Variants in MMD2 observed in about 807,000 individuals in gnomAD.
The protein encoded by MMD2 is monocyte to macrophage differentiation factor 2.
MMD2 carries 30 observed loss-of-function variants against 33.5 expected under a neutral mutation model. The observed-to-expected ratio is 0.90, with a 90% CI of 0.67 to 1.22. The LOEUF (loss-of-function observed/expected upper bound fraction) is 1.22, where lower values mean the gene tolerates loss of function less well. Among genes scored for constraint, MMD2 ranks in the 50% most tolerant of loss-of-function variants. The pLI is 0.00. For synonymous variants in MMD2, 129 were observed against 123.0 expected (o/e 1.05, Z -0.32); for missense variants, 364 against 325.4 (o/e 1.12, Z -0.91).
At chr7:4,900,433 T>C in the MMD2 span, among the ~76,000 whole-genome samples, 1 of 152,060 alleles carries the variant, frequency 6.6e-6, no homozygotes, top group African/African-American at 2.4e-5. Flanking sequence ...TCATGGTGTG[T>C]CTGTAAATTA....
Position 4,911,068 on chromosome 7 carries a change from CG to C in MMD2, c.467+76del, listed in dbSNP as rs1349361830. ...CGATTATGAGATCATCCTGGACTCT[CG>C]GCAGCCCAGGAGTGCTGGGGAGGCC... On this transcript the variant is annotated intron_variant, in intron 5 of 6. Coordinates refer to ENST00000401401, the MANE Select transcript of MMD2 (RefSeq NM_198403.4). The C allele has an allele frequency of 2.2e-5, 27 of 1,237,754 alleles. No homozygotes were observed. The Middle Eastern group carries it at 5.5e-4, about 25-fold the overall frequency. 76.7% of individuals were successfully genotyped at this position (1,237,754 alleles called of 1,614,324 possible).
chr7:4,907,247 G>C lies in MMD2; in HGVS notation c.*149C>G, dbSNP rs965575007. The C allele has an allele frequency of 4.3e-6, 3 of 703,924 alleles. No homozygotes were observed. Among genetic ancestry groups the C allele is most frequent in the East Asian group, 5.2e-5 (2 of 38,372 alleles). 43.6% of individuals were successfully genotyped at this position (703,924 alleles called of 1,614,324 possible). A position where few individuals can be genotyped will look rare whatever the true frequency, so the allele number is the denominator to read the frequency against. ...CTTTCTCGCTGGGGACTCGAGGGAT[G>C]ATCTGGCTGTCACCAGAAGTCACCT... On this transcript the variant is annotated 3_prime_UTR_variant, in exon 7 of 7. Coordinates refer to ENST00000401401, the MANE Select transcript of MMD2 (RefSeq NM_198403.4).
At chr7:4,956,702 C>T (rs975380189) in intron 1 of MMD2, among the ~76,000 whole-genome samples, 6 of 152,136 alleles carry the variant, frequency 3.9e-5, no homozygotes, top group African/African-American at 1.4e-4. Context: ...TGACTTTACA[C>T]ATCAACCCAC....
At chr7:4,945,206 C>CTTCTTT (rs1786033236) in intron 1 of MMD2, among the ~76,000 whole-genome samples, 1 of 139,982 alleles carries the variant, frequency 7.1e-6, no homozygotes, top group Non-Finnish European at 1.5e-5. Context: ...TCTTCTTCTT[C>CTTCTTT]TTCTTCTTCT....
downstream of MMD2, among the ~76,000 whole-genome samples, chr7:4,901,024 C>T (rs774288915): frequency 6.6e-6 from 1 of 151,918 alleles, no homozygotes; most frequent in East Asian, 1.9e-4. Flanking sequence ...CCTGTAATCC[C>T]AGCTACTCGG....
At chr7:4,916,106 A>G (rs1024401485) in intron 3 of MMD2, 27 bp from the exon 4 acceptor site, 4 of 1,610,454 alleles carry the variant, frequency 2.5e-6, no homozygotes, top group Non-Finnish European at 3.4e-6. Flanking sequence ...GCCGGCAGTC[A>G]CAGCCCCTGC....
chr7:4,941,327 T>G (rs926355402), intron 1 of MMD2, among the ~76,000 whole-genome samples: 1 of 152,150 alleles, frequency 6.6e-6, no homozygotes, highest in Non-Finnish European at 1.5e-5. Context: ...TTTCAGGCAA[T>G]AGCAGAAAAA....
chr7:4,954,286 C>G (rs1198518773), intron 1 of MMD2, among the ~76,000 whole-genome samples: 1 of 152,020 alleles, frequency 6.6e-6, no homozygotes, highest in Non-Finnish European at 1.5e-5. Context: ...GGTTATTTGT[C>G]TTTTTCTATT....
intron 4 of MMD2, among the ~76,000 whole-genome samples, chr7:4,912,016 C>T (rs1785027140): frequency 6.6e-6 from 1 of 151,798 alleles, no homozygotes; most frequent in South Asian, 2.1e-4. Context: ...GTGGGAGGAT[C>T]GCTTAAGTCT....
intron 2 of MMD2, among the ~76,000 whole-genome samples, 164 bp downstream of exon 2, chr7:4,925,287 C>T (rs935689550): frequency 1.3e-5 from 2 of 151,496 alleles, no homozygotes; most frequent in African/African-American, 2.4e-5. Context: ...GTCCAGTTTA[C>T]CCCAGTGGCC....
chr7:4,911,713 A>G (rs1024132087), intron 4 of MMD2, among the ~76,000 whole-genome samples: 13 of 151,664 alleles, frequency 8.6e-5, no homozygotes, highest in African/African-American at 2.9e-4. Context: ...TAGTGGCACA[A>G]TCTCGGCTCA....
chr7:4,946,188 C>T lies in MMD2; in HGVS notation c.47+12783G>A, dbSNP rs112960810. 5.3e-5 allele frequency among the ~76,000 whole-genome samples: 8 copies of T among 151,438 alleles called. No individual in the cohort carries two copies. The highest frequency in any genetic ancestry group is 7.4e-5 in the Non-Finnish European group (5 of 67,872). On this transcript the variant is annotated intron_variant, in intron 1 of 6. Coordinates refer to ENST00000401401, the MANE Select transcript of MMD2 (RefSeq NM_198403.4). This position sits in a 1 kb window ranked among gnomAD's most constrained non-coding sequence, Gnocchi z 5.0. Reference sequence around the variant, plus strand: ...ACCTGCACACATGCACACACACGCGCGCACACCCACACACACGCATGCACA... The same window carrying T: ...ACCTGCACACATGCACACACACGCGTGCACACCCACACACACGCATGCACA...
intron 1 of MMD2, among the ~76,000 whole-genome samples, chr7:4,929,620 G>A (rs976185856): frequency 6.6e-6 from 1 of 151,998 alleles, no homozygotes; most frequent in African/African-American, 2.4e-5. Context: ...TGCCTCCCGG[G>A]TTCAAGTGAT....
the MMD2 span, among the ~76,000 whole-genome samples, chr7:4,895,181 A>T: frequency 0.015 from 2,214 of 151,168 alleles, 62 homozygotes; most frequent in African/African-American, 0.052. Flanking sequence ...GGTTCAGACG[A>T]TTCTCTTGCC....
At chr7:4,949,102 C>G (rs1448135428) in intron 1 of MMD2, among the ~76,000 whole-genome samples, 1 of 152,062 alleles carries the variant, frequency 6.6e-6, no homozygotes, top group Non-Finnish European at 1.5e-5. Flanking sequence ...CCCAGCTACT[C>G]GGGACGCTGA....
At chr7:4,949,749 G>A (rs12534376) in intron 1 of MMD2, among the ~76,000 whole-genome samples, 27,156 of 151,800 alleles carry the variant, frequency 0.18, 2,911 homozygotes, top group East Asian at 0.32. Context: ...TGATCCACCC[G>A]CCTCAGCCTC....
intron 4 of MMD2, among the ~76,000 whole-genome samples, chr7:4,913,110 A>C (rs138068837): frequency 1.2e-4 from 18 of 152,346 alleles, no homozygotes; most frequent in African/African-American, 3.6e-4. Flanking sequence ...CGAAAAGTTT[A>C]AGAGTAAAAA....
chr7:4,939,344 G>A (rs989446750), intron 1 of MMD2, among the ~76,000 whole-genome samples: 3 of 152,016 alleles, frequency 2.0e-5, no homozygotes, highest in Non-Finnish European at 4.4e-5. Flanking sequence ...TTCAAGACAC[G>A]CCTGGGCAAC....
At chr7:4,938,534 G>C (rs138211868) in intron 1 of MMD2, among the ~76,000 whole-genome samples, 303 of 152,146 alleles carry the variant, frequency 2.0e-3, no homozygotes, top group African/African-American at 7.2e-3. Context: ...ACCTCCCAAA[G>C]GTCCCACCCC....
Sources: gnomAD v4.1 joint callset for allele counts (sites outside exome capture counted in the v4.1 genomes callset) on GRCh38, gnomAD v4.1.1 for gene constraint, Gnocchi (gnomAD v3.1) non-coding constraint, MANE v1.5 for transcripts, NCBI Gene and HGNC (gene_info 2026-07-23, HGNC 2026-07-21) for gene names.